The following HK1 variants were observed in gnomAD, a reference collection of about 807,000 sequenced individuals.
HK1 encodes hexokinase 1.
In HK1, 28 loss-of-function variants were observed where a neutral mutation model predicts 91.6. The ratio of observed to expected loss-of-function variants is 0.31; its 90% CI spans 0.23 to 0.42. The LOEUF (loss-of-function observed/expected upper bound fraction) is 0.42, where lower values mean the gene tolerates loss of function less well. HK1 is among the 10% of genes least tolerant of loss of function. The pLI is 1.00. For missense variants in HK1, 770 were observed against 1,219.8 expected, an observed-to-expected ratio of 0.63 and a Z score of 5.49; for synonymous variants, 430 against 468.1, an observed-to-expected ratio of 0.92 and a Z score of 1.05.
chr10:69,335,935 G>A (rs1396488303), intron 1 of HK1, among the ~76,000 whole-genome samples: 1 of 152,134 alleles, frequency 6.6e-6, no homozygotes, highest in African/African-American at 2.4e-5. Context: ...TAGGAAGCGG[G>A]AAGTAGGTTT....
At chr10:69,324,173 G>A (rs1847196581) in intron 1 of HK1, among the ~76,000 whole-genome samples, 1 of 152,200 alleles carries the variant, frequency 6.6e-6, no homozygotes, top group African/African-American at 2.4e-5. Context: ...GATCAAATCT[G>A]ATCACAGGAG....
chr10:69,349,729 G>T (rs1001191229), intron 2 of HK1, among the ~76,000 whole-genome samples: 1 of 152,196 alleles, frequency 6.6e-6, no homozygotes, highest in Non-Finnish European at 1.5e-5. Context: ...CTGAATCAGG[G>T]AGCCAACCCG....
At chr10:69,273,572 G>A (rs546771360) in intron 1 of HK1, among the ~76,000 whole-genome samples, 1 of 152,010 alleles carries the variant, frequency 6.6e-6, no homozygotes, top group Admixed American at 6.5e-5. Flanking sequence ...GGCTGGTGTC[G>A]AACTCCTGAC....
rs183536590 is a variant in HK1, at chr10:69,358,731, C to T, written c.227-1166C>T. Among the ~76,000 whole-genome samples, 55 of 152,168 alleles carry T rather than the reference C, an allele frequency of 3.6e-4. 1 individual carries two copies. Among genetic ancestry groups the T allele is most frequent in the Middle Eastern group, 3.4e-3 (1 of 294 alleles). The stretch of plus-strand genomic sequence containing the variant: ...AAAAAAAATTAGCCAGGCATGCTGG[C>T]GGATGCCTGTAATCCCAGCTACTCG... On this transcript the variant is annotated intron_variant, in intron 2 of 17. Coordinates refer to ENST00000359426, the MANE Select transcript of HK1 (RefSeq NM_000188.3).
At chr10:69,343,740 G>A (rs1172506153) in intron 1 of HK1, 87 bp from the exon 2 acceptor site, 1 of 989,908 alleles carries the variant, frequency 1.0e-6, no homozygotes, top group African/African-American at 1.6e-5. Context: ...TGTGCCTGTG[G>A]GAGCTGGCTA....
At chr10:69,372,218 A>G (rs755890677) in intron 7 of HK1, among the ~76,000 whole-genome samples, 1 of 152,218 alleles carries the variant, frequency 6.6e-6, no homozygotes, top group Non-Finnish European at 1.5e-5. Flanking sequence ...GGTCCCTCCC[A>G]CTACAACATG....
At chr10:69,318,086 G>A, upstream of HK1, 5 of 985,450 alleles carry the variant, frequency 5.1e-6, no homozygotes, top group Non-Finnish European at 6.0e-6. Context: ...CCGCCCAGAG[G>A]GAGTGCGCCC....
rs540908218 is a variant in HK1 at position 69,384,534 on chromosome 10, C to T, written c.1719+53C>T. Reference sequence around the variant, plus strand: ...GCACTGCACACACGGCCAGTGGCACCGGCAGTCACGTGATGACCAAAATCC... The same window carrying T: ...GCACTGCACACACGGCCAGTGGCACTGGCAGTCACGTGATGACCAAAATCC... On this transcript the variant is annotated intron_variant, in intron 11 of 17. Transcript: ENST00000359426. 6.8e-4 allele frequency: 1,098 copies of T among 1,609,732 alleles called. 1 individual carries two copies. Among genetic ancestry groups the T allele is most frequent in the Non-Finnish European group, 8.7e-4 (1,026 of 1,176,070 alleles).
upstream of HK1, among the ~76,000 whole-genome samples, chr10:69,312,169 A>G (rs1846408304): frequency 6.6e-6 from 1 of 152,252 alleles, no homozygotes; most frequent in African/African-American, 2.4e-5. Context: ...AAAGGCATAC[A>G]CATTTTCTAA....
chr10:69,394,773 C>T (rs1272170052), intron 15 of HK1, among the ~76,000 whole-genome samples, 177 bp from the exon 16 acceptor site: 1 of 152,148 alleles, frequency 6.6e-6, no homozygotes, highest in Non-Finnish European at 1.5e-5. Flanking sequence ...GTGGAGGACT[C>T]CCTGGTCCTT....
At position 69,398,773 on chromosome 10, in the gene HK1, G is replaced by A. The variant is rs142362924; in HGVS notation, c.2554G>A (p.Asp852Asn). 1 of 1,614,236 alleles carries A rather than the reference G, an allele frequency of 6.2e-7. No homozygotes were observed. Among genetic ancestry groups the A allele is most frequent in the Non-Finnish European group, 8.5e-7 (1 of 1,180,038 alleles). Reference protein sequence around the residue: ...VDKIRENRGLDRLNVTVGVDG... With the variant: ...VDKIRENRGLNRLNVTVGVDG... ...TAAGATCCGCGAGAACAGAGGACTGGACCGTCTGAATGTGACTGTGGGAGT... is the reference window on the plus strand; with the variant it reads ...TAAGATCCGCGAGAACAGAGGACTGAACCGTCTGAATGTGACTGTGGGAGT... Residue 852 changes from aspartate to asparagine, a missense_variant, in exon 17 of 18, where the codon GAC becomes AAC. By Grantham distance (23) the Asp-to-Asn change is conservative. Coordinates refer to ENST00000359426, the MANE Select transcript of HK1 (RefSeq NM_000188.3).
chr10:69,332,557 A>G (rs1847792526), intron 1 of HK1, among the ~76,000 whole-genome samples: 1 of 151,624 alleles, frequency 6.6e-6, no homozygotes, highest in Non-Finnish European at 1.5e-5. Context: ...TTTTTTTTAT[A>G]GTTTTAGTAG....
chr10:69,397,305 C>T (rs145620841), intron 16 of HK1, among the ~76,000 whole-genome samples: 126 of 152,214 alleles, frequency 8.3e-4, no homozygotes, highest in African/African-American at 2.9e-3. Flanking sequence ...CACATCCTCG[C>T]CAACACTTGT....
intron 9 of HK1, among the ~76,000 whole-genome samples, chr10:69,381,224 G>T (rs530653590): frequency 3.9e-5 from 6 of 152,184 alleles, no homozygotes; most frequent in African/African-American, 1.4e-4. Flanking sequence ...GGGGTGCAGA[G>T]GTTGCAGTGA....
At position 69,351,504 on chromosome 10, in the gene HK1, C is replaced by T. The variant is rs144094836; in HGVS notation, c.226+7515C>T. ...AGCCTGGGCAACAAGAGTGAGACTC[C>T]GTCTCAAAAACAAAAACAAAAACAA... On this transcript the variant is annotated intron_variant, in intron 2 of 17. Transcript: ENST00000359426. Among the ~76,000 whole-genome samples, 144 of 151,770 alleles carry T rather than the reference C, an allele frequency of 9.5e-4. 1 individual carries two copies. Among genetic ancestry groups the T allele is most frequent in the Middle Eastern group, 6.8e-3 (2 of 294 alleles).
At chr10:69,363,435 G>A (rs1420936497) in intron 3 of HK1, among the ~76,000 whole-genome samples, 1 of 152,202 alleles carries the variant, frequency 6.6e-6, no homozygotes, top group East Asian at 1.9e-4. Flanking sequence ...CTGGAGTGCA[G>A]TGGTATGATC....
chr10:69,323,537 A>G (rs953534941), intron 1 of HK1, among the ~76,000 whole-genome samples: 4 of 151,370 alleles, frequency 2.6e-5, no homozygotes, highest in Non-Finnish European at 5.9e-5. Context: ...AAAAAAAAAA[A>G]AAGAAGAAAG....
Position 69,325,098 on chromosome 10 carries a change from C to G in HK1, c.63+6088C>G, listed in dbSNP as rs1031904557. 2.0e-4 allele frequency among the ~76,000 whole-genome samples: 27 copies of G among 133,400 alleles called. No individual in the cohort carries two copies. The Middle Eastern group carries it at 0.018, about 90-fold the overall frequency. 87.5% of individuals were successfully genotyped at this position (133,400 alleles called of 152,430 possible). ...TGGAGTCTTCGCTCTGTTGCCCAGG[C>G]TGGAGTGCAGTGGCACGATCTCAGC... On this transcript the variant is annotated intron_variant, in intron 1 of 17. Transcript: ENST00000359426.
At chr10:69,373,478 G>C (rs72807733) in intron 7 of HK1, among the ~76,000 whole-genome samples, 12,804 of 151,980 alleles carry the variant, frequency 0.084, 706 homozygotes, top group African/African-American at 0.15. Flanking sequence ...TCCTTGTCTC[G>C]CCCTTATATT....
Sources: allele counts gnomAD v4.1 joint callset (sites outside exome capture counted in the v4.1 genomes callset), GRCh38; gene constraint gnomAD v4.1.1; transcripts MANE v1.5; gene names NCBI Gene and HGNC (gene_info 2026-07-23, HGNC 2026-07-21).